Variants in CRPPA observed in about 807,000 individuals in gnomAD.
The protein encoded by CRPPA is D-ribitol-5-phosphate cytidylyltransferase.
A neutral mutation model predicts 52.0 loss-of-function variants in CRPPA; 43 were observed. The observed-to-expected ratio is 0.83, with a 90% confidence interval of 0.65 to 1.07. CRPPA has a LOEUF of 1.07. Among genes scored for constraint, CRPPA ranks in the 50% least tolerant of loss-of-function variants. The pLI is 0.00. For missense variants in CRPPA, 629 were observed against 551.7 expected, an observed-to-expected ratio of 1.14 and a Z score of -1.40; for synonymous variants, 250 against 203.5, an observed-to-expected ratio of 1.23 and a Z score of -1.94.
chr7:16,214,035 T>C (rs947719726), intron 9 of CRPPA, among the ~76,000 whole-genome samples: 3 of 152,192 alleles, frequency 2.0e-5, no homozygotes, highest in Non-Finnish European at 2.9e-5. Context: ...TACGTATAAA[T>C]GGCCAAGCCA....
Position 16,406,233 on chromosome 7 carries a change from T to C in CRPPA, c.362A>G (p.Glu121Gly), listed in dbSNP as rs757846188. 2.9e-5 allele frequency: 46 copies of C among 1,613,890 alleles called. No homozygotes were observed. The highest frequency in any genetic ancestry group is 4.2e-6 in the Non-Finnish European group (5 of 1,179,888). ...KYQHKRISLV[E>G]AGVTRHRSIF... Reference sequence around the variant, plus strand: ...TGACCTGTGGCGGGTCACTCCAGCTTCGACCAGTGAGATGCGTTTATGCTG... The same window carrying C: ...TGACCTGTGGCGGGTCACTCCAGCTCCGACCAGTGAGATGCGTTTATGCTG... The change falls in exon 2 of 10, where the codon GAA becomes GGA. Residue 121 changes from glutamate (E) to glycine (G), a missense_variant. Coordinates refer to ENST00000407010, the MANE Select transcript of CRPPA (RefSeq NM_001101426.4).
At chr7:16,181,471 A>T (rs953475582) in intron 9 of CRPPA, among the ~76,000 whole-genome samples, 5 of 151,946 alleles carry the variant, frequency 3.3e-5, no homozygotes, top group African/African-American at 1.2e-4. Flanking sequence ...GAATTTTGTT[A>T]CTCTTTACGT....
intron 3 of CRPPA, among the ~76,000 whole-genome samples, chr7:16,373,627 C>G (rs1310053675): frequency 2.0e-5 from 3 of 152,138 alleles, no homozygotes; most frequent in African/African-American, 7.2e-5. Flanking sequence ...GTCAGCCTAA[C>G]CTGGTGTGGC....
At chr7:16,100,227 A>G (rs1459628539) in intron 9 of CRPPA, among the ~76,000 whole-genome samples, 3 of 152,206 alleles carry the variant, frequency 2.0e-5, no homozygotes, top group Non-Finnish European at 4.4e-5. Context: ...TCTAATTGAC[A>G]TCAATTTTTA....
At chr7:16,361,188 T>C (rs1373418254) in intron 3 of CRPPA, among the ~76,000 whole-genome samples, 2 of 152,148 alleles carry the variant, frequency 1.3e-5, no homozygotes, top group Non-Finnish European at 2.9e-5. Flanking sequence ...TTAGGACAAT[T>C]ACTTTGTTTT....
chr7:16,169,725 C>G (rs1781139407), intron 9 of CRPPA, among the ~76,000 whole-genome samples: 1 of 152,214 alleles, frequency 6.6e-6, no homozygotes, highest in South Asian at 2.1e-4. Context: ...ACTAGTGCCT[C>G]TCTCATCGAC....
chr7:16,398,697 G>A (rs1378629545), intron 2 of CRPPA, among the ~76,000 whole-genome samples: 1 of 151,896 alleles, frequency 6.6e-6, no homozygotes, highest in Non-Finnish European at 1.5e-5. Context: ...GACACGATTG[G>A]CATCTAATCA....
chr7:16,385,412 A>G (rs777558908), intron 2 of CRPPA, among the ~76,000 whole-genome samples: 1 of 152,246 alleles, frequency 6.6e-6, no homozygotes, highest in African/African-American at 2.4e-5. Flanking sequence ...CAGCTCAAGA[A>G]AAATGATTAG....
intron 9 of CRPPA, among the ~76,000 whole-genome samples, chr7:16,096,010 T>C (rs563219242): frequency 6.6e-6 from 1 of 152,226 alleles, no homozygotes; most frequent in East Asian, 1.9e-4. Flanking sequence ...TGAAGACGCC[T>C]TGGTGAACAC....
At chr7:16,211,630 A>G (rs1486916195) in intron 9 of CRPPA, among the ~76,000 whole-genome samples, 1 of 152,196 alleles carries the variant, frequency 6.6e-6, no homozygotes, top group Admixed American at 6.5e-5. Context: ...TTGTTCTCCA[A>G]AGGATCATGC....
At chr7:16,403,514 G>T (rs1296666686) in intron 2 of CRPPA, among the ~76,000 whole-genome samples, 1 of 152,134 alleles carries the variant, frequency 6.6e-6, no homozygotes, top group Non-Finnish European at 1.5e-5. Context: ...GTGTGAAGGG[G>T]ACCTTTAGGT....
intron 6 of CRPPA, among the ~76,000 whole-genome samples, chr7:16,261,437 T>C (rs949160049): frequency 6.6e-6 from 1 of 152,018 alleles, no homozygotes; most frequent in African/African-American, 2.4e-5. Context: ...ATCTAAAACG[T>C]TTATTAGATT....
At chr7:16,183,315 G>A (rs1294482629) in intron 9 of CRPPA, among the ~76,000 whole-genome samples, 1 of 152,158 alleles carries the variant, frequency 6.6e-6, no homozygotes, top group Non-Finnish European at 1.5e-5. Flanking sequence ...TTCCTGCATA[G>A]CCCAAGTTTC....
At chr7:16,414,401 A>ACACACC (rs1234541800) in intron 1 of CRPPA, among the ~76,000 whole-genome samples, 1 of 134,624 alleles carries the variant, frequency 7.4e-6, no homozygotes, top group Non-Finnish European at 1.6e-5. Flanking sequence ...ACACACACAC[A>ACACACC]CCCCATGACA....
At chr7:16,298,532 A>T (rs114870370) in intron 5 of CRPPA, among the ~76,000 whole-genome samples, 32 of 152,330 alleles carry the variant, frequency 2.1e-4, no homozygotes, top group African/African-American at 7.7e-4. Context: ...AAATGCTTCA[A>T]ATAATGCCCA....
intron 6 of CRPPA, among the ~76,000 whole-genome samples, chr7:16,271,901 G>A (rs1356238247): frequency 1.3e-5 from 2 of 152,100 alleles, no homozygotes. Flanking sequence ...ACTATATCAT[G>A]ACAGGCATTT....
intron 9 of CRPPA, among the ~76,000 whole-genome samples, chr7:16,104,023 G>A (rs1033718968): frequency 2.6e-5 from 4 of 152,072 alleles, no homozygotes; most frequent in African/African-American, 9.7e-5. Context: ...ATCATTTAAA[G>A]GATATTTTTG....
chr7:16,384,619 G>C (rs1787205250), intron 2 of CRPPA, among the ~76,000 whole-genome samples: 1 of 152,186 alleles, frequency 6.6e-6, no homozygotes, highest in South Asian at 2.1e-4. Flanking sequence ...GTCAAAGAGA[G>C]CCCCACTGAA....
At chr7:16,159,816 C>A (rs1449646283) in intron 9 of CRPPA, among the ~76,000 whole-genome samples, 1 of 152,180 alleles carries the variant, frequency 6.6e-6, no homozygotes, top group Non-Finnish European at 1.5e-5. Context: ...CTAACTTACA[C>A]TCCCACCAAC....
Sources: gnomAD v4.1 joint callset for allele counts (sites outside exome capture counted in the v4.1 genomes callset) on GRCh38, gnomAD v4.1.1 for gene constraint, MANE v1.5 for transcripts, NCBI Gene and HGNC (gene_info 2026-07-23, HGNC 2026-07-21) for gene names.